The following USH2A variants were observed in gnomAD, a reference collection of about 807,000 sequenced individuals.
USH2A encodes the protein Usher syndrome 2A (autosomal recessive, mild).
USH2A carries 443 observed loss-of-function variants against 538.9 expected under a neutral mutation model. The observed-to-expected ratio is 0.82, with a 90% CI of 0.76 to 0.89. USH2A has a LOEUF of 0.89. USH2A is among the 40% of genes least tolerant of loss of function. USH2A has a pLI of 0.00. For missense variants in USH2A, 6,633 were observed against 6,324.8 expected, an observed-to-expected ratio of 1.05 and a Z score of -1.65; for synonymous variants, 2,413 against 2,273.5, an observed-to-expected ratio of 1.06 and a Z score of -1.75.
intron 44 of USH2A, among the ~76,000 whole-genome samples, chr1:215,862,371 A>G (rs1299140428): frequency 6.6e-6 from 1 of 152,020 alleles, no homozygotes; most frequent in Non-Finnish European, 1.5e-5. Flanking sequence ...CAATGAGAAC[A>G]CTAGGACACA....
Position 216,089,040 on chromosome 1 carries a change from G to T in USH2A, c.4858C>A (p.Gln1620Lys), listed in dbSNP as rs746900872. The change falls in exon 23 of 72, where the codon CAA (glutamine) becomes AAA (lysine). Residue 1620 changes from glutamine (Q) to lysine (K), a missense_variant. Gln to Lys is a moderately conservative substitution (Grantham distance 53). Coordinates refer to ENST00000307340, the MANE Select transcript of USH2A (RefSeq NM_206933.4). ...GTATATATCCCATCCAGAGTGATTT[G>T]GCCAAAAGCCTGATGCCTAATAGCA... The part of the protein sequence containing the change: ...IIAIRHQAFG[Q>K]ITLDGIYTGS... 2 of 1,613,350 alleles carry T rather than the reference G, an allele frequency of 1.2e-6. No individual in the cohort carries two copies. The highest frequency in any genetic ancestry group is 1.1e-5 in the South Asian group (1 of 91,068).
intron 11 of USH2A, among the ~76,000 whole-genome samples, chr1:216,280,407 A>C (rs1388061249): frequency 6.6e-6 from 1 of 152,120 alleles, no homozygotes; most frequent in Non-Finnish European, 1.5e-5. Flanking sequence ...AAAAGAAAAA[A>C]AAAAGGAAAA....
chr1:215,643,038 C>T (rs1656738811), intron 67 of USH2A, among the ~76,000 whole-genome samples: 1 of 152,104 alleles, frequency 6.6e-6, no homozygotes, highest in Admixed American at 6.6e-5. Context: ...CTCTGTTGCC[C>T]AGGCTAGAGT....
chr1:216,110,177 A>AAAAAC lies in USH2A; in HGVS notation c.4628-12969_4628-12965dup, dbSNP rs374433016. On this transcript the variant is annotated intron_variant, in intron 21 of 71. Coordinates refer to ENST00000307340, the MANE Select transcript of USH2A (RefSeq NM_206933.4). ...AGTATCATATGATGTTAAAAATAAC[A>AAAAAC]AAAACAAAACAAAACAAAACAAAAC... 7.1e-3 allele frequency among the ~76,000 whole-genome samples: 1,087 copies of AAAAAC among 152,172 alleles called. 15 individuals carry two copies. Among genetic ancestry groups the AAAAAC allele is most frequent in the African/African-American group, 0.025 (1,040 of 41,498 alleles).
chr1:215,934,552 CA>C, intron 38 of USH2A, 63 bp downstream of exon 38: 1 of 1,521,642 alleles, frequency 6.6e-7, no homozygotes. Flanking sequence ...ACAAGGTATT[CA>C]ATGGAAACTT....
At chr1:216,316,157 C>T (rs917124819) in intron 9 of USH2A, among the ~76,000 whole-genome samples, 2 of 151,816 alleles carry the variant, frequency 1.3e-5, no homozygotes, top group African/African-American at 4.8e-5. Flanking sequence ...ATCAGTGAGG[C>T]TCCCCAAGGT....
intron 49 of USH2A, among the ~76,000 whole-genome samples, chr1:215,800,048 A>G (rs1662278017): frequency 6.6e-6 from 1 of 152,094 alleles, no homozygotes; most frequent in Non-Finnish European, 1.5e-5. Context: ...GTACCTTAAA[A>G]TCAAAGGACT....
In USH2A at chr1:215,650,741, G is replaced by A. The variant is rs55838724; in HGVS notation, c.14194C>T (p.Pro4732Ser). Residue 4732 changes from proline (P) to serine (S), a missense_variant, in exon 65 of 72, where the codon CCA (proline) becomes TCA (serine). Transcript: ENST00000307340. ...PSSWTWCRTG[P>S]APPEGLRAPT... ...GCTCTGAGACCTTCTGGTGGGGCTG[G>A]CCCGGTTCTGCACCATGTCCAGCTA... is the stretch of plus-strand genomic sequence containing the variant. 14 of 1,613,584 alleles carry A rather than the reference G, an allele frequency of 8.7e-6. No homozygotes were observed. The highest frequency in any genetic ancestry group is 3.3e-5 in the Admixed American group (2 of 59,966).
intron 62 of USH2A, 57 bp downstream of exon 62, chr1:215,680,088 AGGGC>A (rs1658174290): frequency 1.4e-5 from 21 of 1,543,182 alleles, no homozygotes; most frequent in Non-Finnish European, 1.6e-5. Flanking sequence ...ATGGCATGTC[AGGGC>A]TCATCTATTT....
intron 3 of USH2A, among the ~76,000 whole-genome samples, chr1:216,414,331 T>A (rs546373810): frequency 6.6e-6 from 1 of 152,226 alleles, no homozygotes; most frequent in Admixed American, 6.5e-5. Flanking sequence ...ATTTAAACAC[T>A]AATCATTTTC....
intron 16 of USH2A, among the ~76,000 whole-genome samples, chr1:216,201,120 G>A (rs1390908419): frequency 2.0e-5 from 3 of 150,202 alleles, no homozygotes; most frequent in East Asian, 2.0e-4. Flanking sequence ...CAGCAACAAT[G>A]TTTAGCCTAG....
intron 21 of USH2A, among the ~76,000 whole-genome samples, chr1:216,141,329 GCCTGCCAGGTGCTGT>G (rs2033598301): frequency 6.6e-6 from 1 of 152,216 alleles, no homozygotes; most frequent in South Asian, 2.1e-4. Flanking sequence ...GCTGCAGTCT[GCCTGCCAGGTGCTGT>G]GGGCTCCCTG....
At chr1:215,785,203 TGA>T (rs1661764560) in intron 52 of USH2A, among the ~76,000 whole-genome samples, 1 of 152,122 alleles carries the variant, frequency 6.6e-6, no homozygotes, top group Non-Finnish European at 1.5e-5. Flanking sequence ...ATATGACACA[TGA>T]GAGAGCTAGT....
chr1:216,220,817 G>A (rs982862826), intron 14 of USH2A, among the ~76,000 whole-genome samples: 4 of 152,058 alleles, frequency 2.6e-5, no homozygotes, highest in Non-Finnish European at 4.4e-5. Flanking sequence ...GAATTGAAAA[G>A]AGAAGGGAGG....
intron 41 of USH2A, among the ~76,000 whole-genome samples, chr1:215,882,164 G>A (rs937947555): frequency 1.3e-5 from 2 of 152,166 alleles, no homozygotes; most frequent in Non-Finnish European, 2.9e-5. Context: ...ATGTCTCAAA[G>A]CGGTGTGGCT....
At chr1:216,059,648 C>T (rs887953191) in intron 30 of USH2A, among the ~76,000 whole-genome samples, 7 of 152,280 alleles carry the variant, frequency 4.6e-5, no homozygotes, top group Middle Eastern at 6.8e-3. Context: ...TGCATGCAGG[C>T]AAGGCTCTAC....
intron 60 of USH2A, among the ~76,000 whole-genome samples, chr1:215,731,752 A>G (rs1027457700): frequency 2.0e-5 from 3 of 152,188 alleles, no homozygotes; most frequent in Non-Finnish European, 4.4e-5. Flanking sequence ...AAGCAATTAA[A>G]ACAAAATCCT....
intron 70 of USH2A, among the ~76,000 whole-genome samples, chr1:215,630,721 C>T (rs985347411): frequency 4.6e-5 from 7 of 151,174 alleles, no homozygotes; most frequent in South Asian, 2.1e-4. Flanking sequence ...GGCATGGTGG[C>T]GGGCGCCTGT....
chr1:216,143,086 T>C (rs894875166), intron 21 of USH2A, among the ~76,000 whole-genome samples: 1 of 152,168 alleles, frequency 6.6e-6, no homozygotes, highest in African/African-American at 2.4e-5. Flanking sequence ...CCTTCATCAT[T>C]TTTTTGTTGC....
Sources: allele counts gnomAD v4.1 joint callset (sites outside exome capture counted in the v4.1 genomes callset), GRCh38; gene constraint gnomAD v4.1.1; transcripts MANE v1.5; gene names NCBI Gene and HGNC (gene_info 2026-07-23, HGNC 2026-07-21).